Variants in TMC3 observed in about 807,000 individuals in gnomAD.
The protein encoded by TMC3 is transmembrane channel-like protein 3.
Under a neutral mutation model 110.6 loss-of-function variants are expected in TMC3, and 98 were observed. That is an observed-to-expected ratio of 0.89 (90% CI 0.75 to 1.05). TMC3 has a LOEUF of 1.05. Ranked by LOEUF, TMC3 falls within the 50% of genes least tolerant of loss-of-function variation. The probability of loss-of-function intolerance (pLI) is 0.00; values close to 1 mark genes in which losing one functional copy is unlikely to be tolerated. For missense variants in TMC3, 1,319 were observed against 1,373.2 expected (o/e 0.96, Z 0.62); for synonymous variants, 489 against 513.1 (o/e 0.95, Z 0.63).
chr15:81,354,583 CAGCGGGTACG>C, intron 9 of TMC3, among the ~76,000 whole-genome samples: 1 of 152,256 alleles, frequency 6.6e-6, no homozygotes, highest in East Asian at 1.9e-4. Flanking sequence ...GGGCACCAAA[CAGCGGGTACG>C]AGCAAGGGGT....
rs931149059 is a variant in TMC3 at position 81,358,136 on chromosome 15, T to C, written c.743+13A>G. On this transcript the variant is annotated intron_variant, in intron 7 of 21. Coordinates refer to ENST00000359440, the MANE Select transcript of TMC3 (RefSeq NM_001080532.3). ...ACGCTTGATATGTATTTTGAGAAAT[T>C]GAGCAGTCATACTTTTTTAAAAGAA... 2 of 1,571,860 alleles carry C rather than the reference T, an allele frequency of 1.3e-6. No homozygotes were observed. The highest frequency in any genetic ancestry group is 1.9e-5 in the Admixed American group (1 of 51,998).
At chr15:81,369,751 C>T (rs1894393617) in intron 2 of TMC3, among the ~76,000 whole-genome samples, 1 of 151,546 alleles carries the variant, frequency 6.6e-6, no homozygotes, top group African/African-American at 2.4e-5. Context: ...CAGTGAGATC[C>T]CATCTCTACA....
At chr15:81,342,415 A>C (rs757210529) in intron 15 of TMC3, among the ~76,000 whole-genome samples, 1 of 152,200 alleles carries the variant, frequency 6.6e-6, no homozygotes, top group Non-Finnish European at 1.5e-5. Context: ...AAAAAGGGGA[A>C]AATAATAGCA....
chr15:81,368,188 C>T (rs998689456), intron 3 of TMC3, 65 bp downstream of exon 3: 1 of 1,212,286 alleles, frequency 8.2e-7, no homozygotes, highest in African/African-American at 1.5e-5. Context: ...CTCCCTTGGC[C>T]TCCCAAAGCA....
intron 13 of TMC3, 61 bp downstream of exon 13, chr15:81,344,705 G>C (rs1596082826): frequency 4.6e-6 from 7 of 1,521,878 alleles, no homozygotes; most frequent in Non-Finnish European, 6.3e-6. Context: ...AGCTCAGAGA[G>C]TTGCTGGGGT....
In TMC3 at chr15:81,359,437, T is replaced by A. The variant is rs1212920195; in HGVS notation, c.429A>T (p.Ile143=). The A allele has an allele frequency of 6.2e-7, 1 of 1,603,772 alleles. No individual in the cohort carries two copies. Among genetic ancestry groups the A allele is most frequent in the Middle Eastern group, 1.7e-4 (1 of 6,040 alleles). ...HFGSGVASYF[I]FLRWLFGINI... is the part of the protein sequence containing the mutation. ...TAATTCCAAATAACCATCTCAAGAA[T>A]ATGAAATAGGAGGCAACGCCAGATC... Residue 143 remains isoleucine, a synonymous_variant, in exon 5 of 22, where the codon ATA becomes ATT. Transcript: ENST00000359440.
In TMC3 at chr15:81,337,829, G is replaced by A; in HGVS notation, c.2160+17C>T. 4 of 1,605,378 alleles carry A rather than the reference G, an allele frequency of 2.5e-6. No individual in the cohort carries two copies. Among genetic ancestry groups the A allele is most frequent in the Non-Finnish European group, 2.6e-6 (3 of 1,171,994 alleles). On this transcript the variant is annotated intron_variant, in intron 19 of 21. Coordinates refer to ENST00000359440, the MANE Select transcript of TMC3 (RefSeq NM_001080532.3). ...GTTGACACATATTCATAATAGCAAA[G>A]TTCATGAAATACTTGCGTTTTGGAT...
chr15:81,338,441 C>A (rs1401946013), intron 18 of TMC3, among the ~76,000 whole-genome samples: 1 of 152,160 alleles, frequency 6.6e-6, no homozygotes, highest in African/African-American at 2.4e-5. Context: ...GCTCCCTCAT[C>A]GCCCCTCGCT....
At chr15:81,372,349 GAC>G (rs371289786) in intron 2 of TMC3, among the ~76,000 whole-genome samples, 7,058 of 116,542 alleles carry the variant, frequency 0.061, 256 homozygotes, top group Admixed American at 0.08. Flanking sequence ...CTGTCTCTCT[GAC>G]ACACACACAC....
chr15:81,367,946 G>A (rs1299521233), intron 3 of TMC3, among the ~76,000 whole-genome samples: 1 of 152,070 alleles, frequency 6.6e-6, no homozygotes, highest in African/African-American at 2.4e-5. Flanking sequence ...TTGTTTGTTT[G>A]TTTTTTGAGA....
At chr15:81,359,509 A>C (rs761836873) in intron 4 of TMC3, 38 bp from the exon 5 acceptor site, 2 of 1,383,158 alleles carry the variant, frequency 1.4e-6, no homozygotes, top group South Asian at 1.3e-5. Flanking sequence ...GTTTAAATAA[A>C]ATCCTCATAG....
intron 4 of TMC3, chr15:81,361,937 C>A (rs1039837357): frequency 4.5e-6 from 1 of 222,992 alleles, no homozygotes; most frequent in Non-Finnish European, 8.9e-6. Flanking sequence ...TTGATCCTTT[C>A]GGGGTTTGCA....
At position 81,362,283 on chromosome 15, in the gene TMC3, G is replaced by A. The variant is rs76735592; in HGVS notation, c.331C>T (p.Arg111Cys). The change falls in exon 4 of 22, where the codon CGT becomes TGT. Residue 111 changes from arginine (R) to cysteine (C), a missense_variant. Physicochemically the swap from Arg to Cys is radical, Grantham distance 180. Transcript: ENST00000359440. The stretch of plus-strand genomic sequence containing the variant: ...ATGACCACAAAGTTACAGGCGAGAC[G>A]AGCAAATTTCCGCCAGAGCTAGACA... Reference protein sequence around the residue: ...AGAELWRKFARLACNFVVIFI... With the variant: ...AGAELWRKFACLACNFVVIFI... 4,655 of 1,612,160 alleles carry A rather than the reference G, an allele frequency of 2.9e-3. 212 individuals are homozygous for A. In the East Asian group the frequency reaches 0.09, roughly 31 times the overall value.
intron 21 of TMC3, among the ~76,000 whole-genome samples, chr15:81,333,566 T>G (rs1893523292): frequency 1.3e-5 from 2 of 152,226 alleles, no homozygotes; most frequent in Non-Finnish European, 2.9e-5. Context: ...AGGCACATAG[T>G]GGGACTAGTG....
intron 21 of TMC3, among the ~76,000 whole-genome samples, chr15:81,334,439 AAC>A (rs1238016839): frequency 6.6e-6 from 1 of 152,204 alleles, no homozygotes; most frequent in Non-Finnish European, 1.5e-5. Flanking sequence ...CTAAAAAATA[AAC>A]AGTTATTTTC....
chr15:81,353,148 G>T (rs1596087827), intron 9 of TMC3, among the ~76,000 whole-genome samples: 2 of 152,014 alleles, frequency 1.3e-5, no homozygotes, highest in East Asian at 3.9e-4. Flanking sequence ...CAAAAAAAGT[G>T]TAAAAAGTTA....
In TMC3 at chr15:81,345,014, G is replaced by T; in HGVS notation, c.1273-3C>A. On this transcript the variant is annotated splice_polypyrimidine_tract_variant and splice_region_variant and intron_variant, in intron 12 of 21. Transcript: ENST00000359440. Reference sequence around the variant, plus strand: ...GTGTTATTTTTGGTAGCCATTTCCTGGGGAGAGAGAGAGAGAGAGAGAGGG... The same window carrying T: ...GTGTTATTTTTGGTAGCCATTTCCTTGGGAGAGAGAGAGAGAGAGAGAGGG... The T allele has an allele frequency of 6.4e-7, 1 of 1,563,074 alleles. No individual in the cohort carries two copies. The highest frequency in any genetic ancestry group is 2.4e-5 in the East Asian group (1 of 42,056).
chr15:81,354,005 A>AT (rs2141711883), intron 9 of TMC3, among the ~76,000 whole-genome samples: 1 of 152,366 alleles, frequency 6.6e-6, no homozygotes, highest in South Asian at 2.1e-4. Context: ...CTCACTTCTC[A>AT]TATGCCTCTG....
At chr15:81,348,232 T>C (rs1893866945) in intron 11 of TMC3, among the ~76,000 whole-genome samples, 1 of 152,160 alleles carries the variant, frequency 6.6e-6, no homozygotes, top group Non-Finnish European at 1.5e-5. Flanking sequence ...TGAGAGCAAA[T>C]CTTCCCAAAG....
Sources: gnomAD v4.1 joint callset for allele counts (sites outside exome capture counted in the v4.1 genomes callset) on GRCh38, gnomAD v4.1.1 for gene constraint, MANE v1.5 for transcripts, NCBI Gene and HGNC (gene_info 2026-07-23, HGNC 2026-07-21) for gene names.